Variants in G3BP2 observed in about 807,000 individuals in gnomAD.
G3BP2 encodes the protein ras GTPase-activating protein-binding protein 2.
A neutral mutation model predicts 56.7 loss-of-function variants in G3BP2; 11 were observed. That is an observed-to-expected ratio of 0.19 (90% CI 0.12 to 0.32). The LOEUF (loss-of-function observed/expected upper bound fraction) is 0.32, where lower values mean the gene tolerates loss of function less well. Ranked by LOEUF, G3BP2 falls within the 10% of genes least tolerant of loss-of-function variation. The probability of loss-of-function intolerance (pLI) is 1.00; values close to 1 mark genes in which losing one functional copy is unlikely to be tolerated. For missense variants in G3BP2, 340 were observed against 610.9 expected (o/e 0.56, Z 4.67); for synonymous variants, 165 against 191.6 (o/e 0.86, Z 1.15).
At chr4:75,674,679 T>C (rs1157136604), upstream of G3BP2, among the ~76,000 whole-genome samples, 1 of 141,386 alleles carries the variant, frequency 7.1e-6, no homozygotes, top group African/African-American at 2.6e-5. Flanking sequence ...TATGAGCTAG[T>C]TGCTATATGT....
intron 3 of G3BP2, among the ~76,000 whole-genome samples, chr4:75,684,395 A>C (rs1718486309): frequency 6.6e-6 from 1 of 152,090 alleles, no homozygotes; most frequent in East Asian, 1.9e-4. Flanking sequence ...ACAGAGTTAG[A>C]CTTTGTCAAA....
chr4:75,705,603 A>C (rs1379070876), intron 3 of G3BP2, among the ~76,000 whole-genome samples: 2 of 152,166 alleles, frequency 1.3e-5, no homozygotes, highest in African/African-American at 4.8e-5. Context: ...TCCAGGAAAG[A>C]TGGATGGCAG....
At chr4:75,695,356 C>G (rs762772372) in intron 3 of G3BP2, among the ~76,000 whole-genome samples, 3 of 152,200 alleles carry the variant, frequency 2.0e-5, no homozygotes, top group Non-Finnish European at 4.4e-5. Context: ...TGATTGTCTC[C>G]TGCACTGGGC....
At chr4:75,715,338 A>G (rs2149114236) in intron 3 of G3BP2, among the ~76,000 whole-genome samples, 1 of 152,286 alleles carries the variant, frequency 6.6e-6, no homozygotes, top group South Asian at 2.1e-4. Flanking sequence ...GCAATACTCT[A>G]GCTGCTGCAG....
chr4:75,702,081 C>G (rs1482744673), intron 3 of G3BP2, among the ~76,000 whole-genome samples: 2 of 152,076 alleles, frequency 1.3e-5, no homozygotes, highest in African/African-American at 4.8e-5. Flanking sequence ...TACCATATCT[C>G]CCATGTATTC....
chr4:75,676,598 G>A (rs982586772), upstream of G3BP2, among the ~76,000 whole-genome samples: 6 of 151,928 alleles, frequency 3.9e-5, no homozygotes, highest in African/African-American at 1.2e-4. Context: ...CCACTTCGCC[G>A]AATTGTCAAT....
At chr4:75,674,209 C>T (rs571745733), upstream of G3BP2, among the ~76,000 whole-genome samples, 1 of 152,152 alleles carries the variant, frequency 6.6e-6, no homozygotes, top group East Asian at 1.9e-4. Flanking sequence ...CATCTTAGGT[C>T]TGGCAGTGTT....
At chr4:75,669,619 T>A (rs1205316634) in intron 1 of G3BP2, among the ~76,000 whole-genome samples, 1 of 152,244 alleles carries the variant, frequency 6.6e-6, no homozygotes, top group Non-Finnish European at 1.5e-5. Flanking sequence ...TACTTTCTCA[T>A]CCCTGTATCA....
intron 3 of G3BP2, among the ~76,000 whole-genome samples, chr4:75,704,426 T>C (rs1719465487): frequency 6.6e-6 from 1 of 151,628 alleles, no homozygotes; most frequent in South Asian, 2.1e-4. Flanking sequence ...CAAGTGATCC[T>C]CGGGCCTCAG....
chr4:75,690,665 G>A (rs916015552), intron 3 of G3BP2, among the ~76,000 whole-genome samples: 4 of 151,984 alleles, frequency 2.6e-5, no homozygotes, highest in Non-Finnish European at 5.9e-5. Context: ...TCTGCCTCCC[G>A]GGGTCAAATT....
chr4:75,717,504 A>G (rs1719974912), intron 3 of G3BP2, among the ~76,000 whole-genome samples: 1 of 152,136 alleles, frequency 6.6e-6, no homozygotes, highest in Non-Finnish European at 1.5e-5. Flanking sequence ...TCCTGCCACA[A>G]ATACTTGCTT....
At chr4:75,646,776 T>C (rs868592058) in intron 10 of G3BP2, among the ~76,000 whole-genome samples, 1 of 152,202 alleles carries the variant, frequency 6.6e-6, no homozygotes, top group Non-Finnish European at 1.5e-5. Context: ...CCTTTATCTC[T>C]GAATTTATGA....
At chr4:75,684,588 A>T (rs1003161664) in intron 3 of G3BP2, among the ~76,000 whole-genome samples, 3 of 152,078 alleles carry the variant, frequency 2.0e-5, no homozygotes, top group African/African-American at 7.2e-5. Flanking sequence ...TGCAGTGACT[A>T]TTCAATCACA....
intron 3 of G3BP2, among the ~76,000 whole-genome samples, chr4:75,698,104 G>A (rs1294096111): frequency 6.6e-6 from 1 of 152,156 alleles, no homozygotes; most frequent in Admixed American, 6.5e-5. Flanking sequence ...TTTCCTTACA[G>A]AACAAAAAGG....
intron 1 of G3BP2, among the ~76,000 whole-genome samples, chr4:75,664,033 G>A (rs1732787315): frequency 6.6e-6 from 1 of 150,634 alleles, no homozygotes; most frequent in Admixed American, 6.6e-5. Context: ...ACAGGCACGT[G>A]TCACCACACC....
At chr4:75,678,143 TTTG>T (rs34746702), upstream of G3BP2, among the ~76,000 whole-genome samples, 34 of 151,826 alleles carry the variant, frequency 2.2e-4, no homozygotes, top group Admixed American at 7.2e-4. Flanking sequence ...GAAGGGTGGT[TTTG>T]TTGTTGTTGT....
intron 3 of G3BP2, among the ~76,000 whole-genome samples, chr4:75,689,292 G>A (rs1485509377): frequency 5.3e-5 from 8 of 151,704 alleles, no homozygotes; most frequent in African/African-American, 9.7e-5. Flanking sequence ...CAGGAGAATC[G>A]CTTGAACCCG....
Position 75,645,248 on chromosome 4 carries a change from A to G in G3BP2, c.*182T>C. 1.7e-6 allele frequency: 1 copy of G among 600,996 alleles called. No homozygotes were observed. The highest frequency in any genetic ancestry group is 2.1e-5 in the South Asian group (1 of 47,432). 37.2% of individuals were successfully genotyped at this position (600,996 alleles called of 1,614,324 possible). Reference sequence around the variant, plus strand: ...CTAGATTTATAAATTAACAATGTGAATCCTGTTGTGAAATTGGGGAAATAA... The same window carrying G: ...CTAGATTTATAAATTAACAATGTGAGTCCTGTTGTGAAATTGGGGAAATAA... On this transcript the variant is annotated 3_prime_UTR_variant, in exon 12 of 12. Coordinates refer to ENST00000359707, the MANE Select transcript of G3BP2 (RefSeq NM_203505.3).
chr4:75,720,022 C>CTTTT (rs67468716), intron 3 of G3BP2, among the ~76,000 whole-genome samples: 3 of 97,320 alleles, frequency 3.1e-5, no homozygotes, highest in South Asian at 7.3e-4. Context: ...GCCCAGAACC[C>CTTTT]TTTTTTTTTT....
Sources: gnomAD v4.1 joint callset for allele counts (sites outside exome capture counted in the v4.1 genomes callset) on GRCh38, gnomAD v4.1.1 for gene constraint, MANE v1.5 for transcripts, NCBI Gene and HGNC (gene_info 2026-07-23, HGNC 2026-07-21) for gene names.